The following C3orf20 variants were observed in gnomAD, a reference collection of about 807,000 sequenced individuals.
C3orf20 encodes uncharacterized protein C3orf20.
In C3orf20, 76 loss-of-function variants were observed where a neutral mutation model predicts 88.3. The ratio of observed to expected loss-of-function variants is 0.86; its 90% CI spans 0.72 to 1.04. The LOEUF is 1.04. C3orf20 is among the 50% of genes least tolerant of loss of function. The probability of loss-of-function intolerance (pLI) is 0.00; values close to 1 mark genes in which losing one functional copy is unlikely to be tolerated. For synonymous variants in C3orf20, 436 were observed against 437.4 expected (o/e 1.00, Z 0.04); for missense variants, 1,056 against 1,123.3 (o/e 0.94, Z 0.86).
chr3:14,684,457 C>T (rs750244024), intron 4 of C3orf20, 75 bp downstream of exon 4: 89 of 1,549,718 alleles, frequency 5.7e-5, no homozygotes, highest in Non-Finnish European at 6.7e-5. Context: ...AAGGCAAAAC[C>T]CCCAGTTTGA....
At position 14,728,448 on chromosome 3, in the gene C3orf20, C is replaced by T; in HGVS notation, c.1700C>T (p.Thr567Ile). ...NSILLAAGLF[T>I]IEYPTKKEEE... ...CATCTTCTGTTAACAGGTCTGTTTA[C>T]CATTGAATATCCCACCAAAAAGGAG... Residue 567 changes from threonine to isoleucine, a missense_variant, in exon 12 of 17, where the codon ACC becomes ATC. Thr to Ile is a moderately conservative substitution (Grantham distance 89). Coordinates refer to ENST00000253697, the MANE Select transcript of C3orf20 (RefSeq NM_032137.5). 3.7e-6 allele frequency: 6 copies of T among 1,614,124 alleles called. No homozygotes were observed. The highest frequency in any genetic ancestry group is 5.1e-6 in the Non-Finnish European group (6 of 1,180,018).
chr3:14,676,320 G>A (rs2031769311), intron 1 of C3orf20, among the ~76,000 whole-genome samples: 1 of 152,028 alleles, frequency 6.6e-6, no homozygotes, highest in African/African-American at 2.4e-5. Context: ...GGGAACCCAG[G>A]TTTTATTGCT....
chr3:14,738,443 C>G (rs1262298773), intron 12 of C3orf20, among the ~76,000 whole-genome samples: 1 of 151,710 alleles, frequency 6.6e-6, no homozygotes, highest in Non-Finnish European at 1.5e-5. Flanking sequence ...ATTCTCCTGC[C>G]TCAGCCTCCC....
At chr3:14,743,032 C>T (rs2034959889) in intron 12 of C3orf20, among the ~76,000 whole-genome samples, 1 of 151,880 alleles carries the variant, frequency 6.6e-6, no homozygotes, top group Non-Finnish European at 1.5e-5. Flanking sequence ...CCCTAAATCT[C>T]ATGTCCTCAC....
intron 5 of C3orf20, among the ~76,000 whole-genome samples, chr3:14,696,206 T>C (rs1041986082): frequency 6.6e-6 from 1 of 151,562 alleles, no homozygotes; most frequent in Non-Finnish European, 1.5e-5. Context: ...CTATAACTCA[T>C]TATTTTAAGC....
At chr3:14,731,119 T>G (rs530642071) in intron 12 of C3orf20, among the ~76,000 whole-genome samples, 1 of 152,298 alleles carries the variant, frequency 6.6e-6, no homozygotes, top group East Asian at 1.9e-4. Flanking sequence ...AGAAATTCCC[T>G]TATGCTATTC....
chr3:14,757,788 C>A, intron 13 of C3orf20, 114 bp downstream of exon 13: 1 of 876,800 alleles, frequency 1.1e-6, no homozygotes, highest in Non-Finnish European at 1.7e-6. Flanking sequence ...AGGGGCCACC[C>A]TCCTTCAGCT....
At chr3:14,728,359 T>G (rs2034427891) in intron 11 of C3orf20, 80 bp from the exon 12 acceptor site, 1 of 1,572,124 alleles carries the variant, frequency 6.4e-7, no homozygotes, top group Non-Finnish European at 8.7e-7. Context: ...AAGGTGCACT[T>G]AGATGTTTCC....
chr3:14,687,503 G>A (rs1355924757), intron 4 of C3orf20, among the ~76,000 whole-genome samples: 2 of 152,162 alleles, frequency 1.3e-5, no homozygotes, highest in African/African-American at 4.8e-5. Flanking sequence ...TGTGCAGGTG[G>A]TGATCGCCAG....
chr3:14,769,523 G>A (rs2035805004), intron 15 of C3orf20, among the ~76,000 whole-genome samples: 1 of 152,152 alleles, frequency 6.6e-6, no homozygotes, highest in Non-Finnish European at 1.5e-5. Flanking sequence ...CCTCAGAAGA[G>A]GCAGGAAGAG....
At chr3:14,679,422 A>T (rs1238083211) in intron 1 of C3orf20, among the ~76,000 whole-genome samples, 1 of 152,206 alleles carries the variant, frequency 6.6e-6, no homozygotes, top group African/African-American at 2.4e-5. Flanking sequence ...AAGTGGCTTA[A>T]AGGCATTAGA....
intron 4 of C3orf20, among the ~76,000 whole-genome samples, chr3:14,684,612 C>G (rs1161431383): frequency 6.6e-6 from 1 of 152,180 alleles, no homozygotes; most frequent in African/African-American, 2.4e-5. Flanking sequence ...CCTCACAACC[C>G]AGCAGCTCCT....
chr3:14,690,284 G>C (rs1381881415), intron 5 of C3orf20, among the ~76,000 whole-genome samples, 168 bp downstream of exon 5: 1 of 152,174 alleles, frequency 6.6e-6, no homozygotes, highest in Non-Finnish European at 1.5e-5. Context: ...ACACAGATTT[G>C]CTCATGGAAA....
At chr3:14,726,792 C>A in intron 10 of C3orf20, 109 bp from the exon 11 acceptor site, 2 of 1,467,102 alleles carry the variant, frequency 1.4e-6, no homozygotes, top group Non-Finnish European at 1.9e-6. Flanking sequence ...GGTAGGGGGG[C>A]AGGCAATAGC....
At chr3:14,699,799 G>T (rs1228883161) in intron 5 of C3orf20, among the ~76,000 whole-genome samples, 1 of 152,128 alleles carries the variant, frequency 6.6e-6, no homozygotes, top group Non-Finnish European at 1.5e-5. Context: ...AAATCCACTG[G>T]CTCTGAGCCC....
chr3:14,730,394 A>G (rs950402103), intron 12 of C3orf20, among the ~76,000 whole-genome samples: 2 of 152,070 alleles, frequency 1.3e-5, no homozygotes, highest in Non-Finnish European at 2.9e-5. Flanking sequence ...AAAAATAGAA[A>G]AAATTAGCCG....
intron 1 of C3orf20, among the ~76,000 whole-genome samples, chr3:14,680,190 A>G (rs2032011852): frequency 6.6e-6 from 1 of 152,256 alleles, no homozygotes; most frequent in South Asian, 2.1e-4. Context: ...CATCCACACA[A>G]AAGCTTATGT....
rs182441736 is a variant in C3orf20, at chr3:14,768,043, T to G, written c.2496-4024T>G. Reference sequence around the variant, plus strand: ...CCAATGTGAGCCTCAAGAGGCTTTGTATCCTGTAACATGCTATCCAGATGG... The same window carrying G: ...CCAATGTGAGCCTCAAGAGGCTTTGGATCCTGTAACATGCTATCCAGATGG... On this transcript the variant is annotated intron_variant, in intron 15 of 16. Coordinates refer to ENST00000253697, the MANE Select transcript of C3orf20 (RefSeq NM_032137.5). The surrounding 1 kb of genome is among the most constrained non-coding windows in gnomAD (Gnocchi z 4.1). 6.9e-4 allele frequency among the ~76,000 whole-genome samples: 105 copies of G among 152,384 alleles called. 1 individual carries two copies. The highest frequency in any genetic ancestry group is 6.8e-3 in the Middle Eastern group (2 of 294).
intron 13 of C3orf20, among the ~76,000 whole-genome samples, chr3:14,758,032 G>T (rs954442957): frequency 3.3e-5 from 5 of 152,134 alleles, no homozygotes; most frequent in African/African-American, 9.7e-5. Context: ...AATCCTCAGG[G>T]CTCTGAAAAT....
Sources: allele counts gnomAD v4.1 joint callset (sites outside exome capture counted in the v4.1 genomes callset), GRCh38; gene constraint gnomAD v4.1.1; non-coding constraint Gnocchi (gnomAD v3.1); transcripts MANE v1.5; gene names NCBI Gene and HGNC (gene_info 2026-07-23, HGNC 2026-07-21).